Variants in MCTP2 observed in about 807,000 individuals in gnomAD.
MCTP2 encodes the protein multiple C2 and transmembrane domain-containing protein 2.
Under a neutral mutation model 111.6 loss-of-function variants are expected in MCTP2, and 132 were observed. The ratio of observed to expected loss-of-function variants is 1.18; its 90% CI spans 1.03 to 1.37. The LOEUF is 1.37. Among genes scored for constraint, MCTP2 ranks in the 40% most tolerant of loss-of-function variants. The pLI, the probability that MCTP2 is intolerant of heterozygous loss-of-function variation, is 0.00. For synonymous variants in MCTP2, 395 were observed against 387.7 expected, an observed-to-expected ratio of 1.02 and a Z score of -0.22; for missense variants, 1,183 against 1,067.9, an observed-to-expected ratio of 1.11 and a Z score of -1.50.
At chr15:94,361,094 T>TG (rs2078915070) in intron 10 of MCTP2, among the ~76,000 whole-genome samples, 3 of 135,820 alleles carry the variant, frequency 2.2e-5, no homozygotes, top group African/African-American at 5.6e-5. Context: ...GTTTTTTTTT[T>TG]TTTTTTTTTT....
In MCTP2 at chr15:94,480,212, AG is replaced by A. The variant is rs1398121609; in HGVS notation, c.*1179del. ...ATTAAGTCTGTTTAAATGATATTTA[AG>A]TTTTAAAGACTGTATTTTGTTGACA... On this transcript the variant is annotated 3_prime_UTR_variant, in exon 23 of 23. Coordinates refer to ENST00000357742, the MANE Select transcript of MCTP2 (RefSeq NM_001385001.1). The A allele has an allele frequency of 3.9e-5, 6 of 152,310 alleles. No homozygotes were observed. The highest frequency in any genetic ancestry group is 1.3e-4 in the Admixed American group (2 of 15,304). The allele number at this position is 152,310 out of a possible 1,614,324, so 9.4% of individuals were successfully genotyped here.
Position 94,310,448 on chromosome 15 carries a change from A to G in MCTP2, c.466-3834A>G, listed in dbSNP as rs2076072423. Among the ~76,000 whole-genome samples, 5 of 152,308 alleles carry G rather than the reference A, an allele frequency of 3.3e-5. 1 individual carries two copies. In the South Asian group the frequency reaches 1.0e-3, roughly 32 times the overall value. On this transcript the variant is annotated intron_variant, in intron 2 of 22. Transcript: ENST00000357742. ...TGTTTAAAACTATGGCAGTGTACAC[A>G]TGGAAAATGTCAATTTTACAGTGTG...
intron 8 of MCTP2, among the ~76,000 whole-genome samples, chr15:94,354,810 A>G (rs984555469): frequency 1.3e-5 from 2 of 152,194 alleles, no homozygotes; most frequent in African/African-American, 4.8e-5. Context: ...TATAATGACT[A>G]TGGTACTGAC....
chr15:94,425,243 C>T (rs1000836769), intron 17 of MCTP2, among the ~76,000 whole-genome samples: 10 of 152,248 alleles, frequency 6.6e-5, no homozygotes, highest in South Asian at 2.1e-4. Context: ...GCAATTTCTA[C>T]GAAGTCATAA....
chr15:94,254,093 G>A (rs1041043161), intron 1 of MCTP2, among the ~76,000 whole-genome samples: 2 of 152,150 alleles, frequency 1.3e-5, no homozygotes, highest in Admixed American at 6.5e-5. Flanking sequence ...AAATGTTTTC[G>A]TCATAGCATT....
At chr15:94,292,359 C>A (rs1352156635) in intron 1 of MCTP2, among the ~76,000 whole-genome samples, 3 of 151,992 alleles carry the variant, frequency 2.0e-5, no homozygotes, top group African/African-American at 7.3e-5. Context: ...AATAAAAATA[C>A]CCAACGTGAT....
intron 2 of MCTP2, among the ~76,000 whole-genome samples, chr15:94,305,481 G>A (rs914638290): frequency 6.6e-6 from 1 of 152,036 alleles, no homozygotes. Context: ...ACACACACAT[G>A]CGGATATATA....
At chr15:94,401,805 T>C (rs2081605280) in intron 16 of MCTP2, 95 bp from the exon 17 acceptor site, 1 of 933,484 alleles carries the variant, frequency 1.1e-6, no homozygotes, top group Non-Finnish European at 1.6e-6. Context: ...TTGGGATCTA[T>C]ACAAAATATA....
chr15:94,385,792 A>G (rs1186894836), intron 14 of MCTP2, among the ~76,000 whole-genome samples: 1 of 152,212 alleles, frequency 6.6e-6, no homozygotes, highest in Non-Finnish European at 1.5e-5. Flanking sequence ...CAGTCTTCCC[A>G]ACTTAAGATA....
At position 94,416,159 on chromosome 15, in the gene MCTP2, C is replaced by T. The variant is rs142518636; in HGVS notation, c.2085+14140C>T. ...TCAAATTGCTAATATATGTGTCCTA[C>T]AGCCTGCAATATAATATTTACGTAG... is the stretch of plus-strand genomic sequence containing the variant. On this transcript the variant is annotated intron_variant, in intron 17 of 22. Transcript: ENST00000357742. 8.5e-5 allele frequency among the ~76,000 whole-genome samples: 13 copies of T among 152,228 alleles called. No individual in the cohort carries two copies. The East Asian group carries it at 2.3e-3, about 27-fold the overall frequency.
chr15:94,385,435 T>C lies in MCTP2; in HGVS notation c.1698T>C (p.Asp566=), dbSNP rs781158220. 1 of 1,611,286 alleles carries C rather than the reference T, an allele frequency of 6.2e-7. No individual in the cohort carries two copies. The highest frequency in any genetic ancestry group is 1.1e-5 in the South Asian group (1 of 91,014). ...WNKVFTFPIK[D]IHDVLEVTVF... is the part of the protein sequence containing the mutation. ...ATTTTTGTTACAGTCCCATTAAAGA[T>C]ATCCATGATGTTTTGGAAGTGACAG... Residue 566 remains aspartate, a synonymous_variant, in exon 14 of 23, where the codon GAT becomes GAC. Coordinates refer to ENST00000357742, the MANE Select transcript of MCTP2 (RefSeq NM_001385001.1).
intron 17 of MCTP2, among the ~76,000 whole-genome samples, chr15:94,411,163 A>C (rs1273139000): frequency 6.6e-6 from 1 of 152,252 alleles, no homozygotes; most frequent in African/African-American, 2.4e-5. Flanking sequence ...AAAACAGAAA[A>C]GAATATTTAG....
At chr15:94,297,123 C>T (rs2075310341) in intron 1 of MCTP2, among the ~76,000 whole-genome samples, 1 of 152,208 alleles carries the variant, frequency 6.6e-6, no homozygotes, top group Admixed American at 6.5e-5. Flanking sequence ...CAGGCCAGGT[C>T]TCAGTGTCTG....
intron 10 of MCTP2, among the ~76,000 whole-genome samples, chr15:94,362,002 C>T (rs1199234161): frequency 6.6e-6 from 1 of 152,102 alleles, no homozygotes; most frequent in African/African-American, 2.4e-5. Context: ...TCCCCTTTTT[C>T]CATAGTCCAC....
At chr15:94,421,489 A>G (rs1489986743) in intron 17 of MCTP2, among the ~76,000 whole-genome samples, 2 of 152,194 alleles carry the variant, frequency 1.3e-5, no homozygotes, top group Non-Finnish European at 2.9e-5. Flanking sequence ...GGCTAAAATT[A>G]AGGGAGGGCT....
At chr15:94,467,968 A>G (rs950649658) in intron 20 of MCTP2, among the ~76,000 whole-genome samples, 1 of 152,256 alleles carries the variant, frequency 6.6e-6, no homozygotes, top group Non-Finnish European at 1.5e-5. Flanking sequence ...GTGGAGTCAC[A>G]TCACTGGATG....
rs775853652 is a variant in MCTP2 at position 94,340,274 on chromosome 15, A to C, written c.856A>C (p.Arg286=). The change falls in exon 6 of 23, where the codon AGA becomes CGA. Residue 286 remains arginine, a splice_region_variant and synonymous_variant. Transcript: ENST00000357742. The part of the protein sequence containing the change: ...FVILSDLELN[R]TTEHILKLED... The stretch of plus-strand genomic sequence containing the variant: ...CATTCTCAGTGATCTTGAGCTTAAC[A>C]GGTACCGTATTTTTACATTTTAATT... 6.2e-7 allele frequency: 1 copy of C among 1,607,190 alleles called. No homozygotes were observed. The highest frequency in any genetic ancestry group is 8.5e-7 in the Non-Finnish European group (1 of 1,173,894).
chr15:94,239,533 A>C (rs1362190679), intron 1 of MCTP2, among the ~76,000 whole-genome samples: 1 of 152,166 alleles, frequency 6.6e-6, no homozygotes. Context: ...ATCTCCTTTA[A>C]GTCTTTACTT....
At chr15:94,287,674 T>C (rs896735942) in intron 1 of MCTP2, among the ~76,000 whole-genome samples, 18 of 152,224 alleles carry the variant, frequency 1.2e-4, no homozygotes, top group Non-Finnish European at 2.5e-4. Context: ...CTCAGAAAAG[T>C]AAAGCTACAG....
Sources: allele counts gnomAD v4.1 joint callset (sites outside exome capture counted in the v4.1 genomes callset), GRCh38; gene constraint gnomAD v4.1.1; transcripts MANE v1.5; gene names NCBI Gene and HGNC (gene_info 2026-07-23, HGNC 2026-07-21).